TINAG: variants seen among roughly 807,000 people sequenced by gnomAD.
The protein encoded by TINAG is tubulointerstitial nephritis antigen.
In TINAG, 83 loss-of-function variants were observed where a neutral mutation model predicts 72.7. The observed-to-expected ratio is 1.14, with a 90% CI of 0.96 to 1.37. The LOEUF (loss-of-function observed/expected upper bound fraction) is 1.37, where lower values mean the gene tolerates loss of function less well. TINAG is among the 40% of genes most tolerant of loss of function. The pLI, the probability that TINAG is intolerant of heterozygous loss-of-function variation, is 0.00. For missense variants in TINAG, 685 were observed against 576.6 expected (o/e 1.19, Z -1.93); for synonymous variants, 234 against 189.9 (o/e 1.23, Z -1.91).
chr6:54,317,447 C>A (rs1784398057), intron 1 of TINAG, among the ~76,000 whole-genome samples: 2 of 152,056 alleles, frequency 1.3e-5, no homozygotes, highest in Non-Finnish European at 2.9e-5. Flanking sequence ...CTCATAAGAT[C>A]TGATGGTTTT....
At chr6:54,373,818 G>T (rs901614878) in intron 9 of TINAG, among the ~76,000 whole-genome samples, 1 of 151,964 alleles carries the variant, frequency 6.6e-6, no homozygotes, top group Non-Finnish European at 1.5e-5. Flanking sequence ...CTATGAGAAG[G>T]CAAAAAGCCA....
chr6:54,315,348 T>C (rs989769277), intron 1 of TINAG, among the ~76,000 whole-genome samples: 1 of 152,092 alleles, frequency 6.6e-6, no homozygotes, highest in African/African-American at 2.4e-5. Context: ...TTCTTTGCCA[T>C]ATCTGATGGT....
chr6:54,347,805 A>G (rs965603059), intron 6 of TINAG, among the ~76,000 whole-genome samples: 3 of 152,088 alleles, frequency 2.0e-5, no homozygotes, highest in African/African-American at 7.2e-5. Flanking sequence ...TTCTGAGCCA[A>G]GTGAGTCCCC....
chr6:54,326,747 G>T (rs973450558), intron 3 of TINAG, 55 bp from the exon 4 acceptor site: 8 of 1,227,014 alleles, frequency 6.5e-6, no homozygotes, highest in Non-Finnish European at 9.0e-6. Flanking sequence ...TTATAAAAGT[G>T]ATGTCATATA....
At chr6:54,351,225 A>G in intron 7 of TINAG, 127 bp from the exon 8 acceptor site, 3 of 710,976 alleles carry the variant, frequency 4.2e-6, no homozygotes, top group Non-Finnish European at 7.0e-6. Flanking sequence ...TTAATGTAGC[A>G]TAATATACGT....
chr6:54,353,056 A>T (rs1785303406), intron 8 of TINAG, among the ~76,000 whole-genome samples: 1 of 151,808 alleles, frequency 6.6e-6, no homozygotes, highest in Non-Finnish European at 1.5e-5. Flanking sequence ...GTTTTCCAAA[A>T]GTAAAATTGC....
upstream of TINAG, chr6:54,308,140 C>T: frequency 6.5e-7 from 1 of 1,546,630 alleles, no homozygotes; most frequent in South Asian, 1.2e-5. Context: ...GAATTTCCTG[C>T]ACCTTGCCAG....
intron 9 of TINAG, among the ~76,000 whole-genome samples, chr6:54,365,968 C>A (rs1258148361): frequency 6.6e-6 from 1 of 151,566 alleles, no homozygotes; most frequent in East Asian, 1.9e-4. Context: ...AGTTCATGAA[C>A]AGACTGGGCA....
At chr6:54,361,717 G>A (rs754522953) in intron 9 of TINAG, among the ~76,000 whole-genome samples, 2 of 151,524 alleles carry the variant, frequency 1.3e-5, no homozygotes, top group Non-Finnish European at 3.0e-5. Context: ...TTGGAGATTG[G>A]CCAAAAGTTA....
intron 1 of TINAG, 73 bp downstream of exon 1, chr6:54,308,978 T>C: frequency 9.6e-6 from 12 of 1,254,810 alleles, no homozygotes; most frequent in Non-Finnish European, 1.3e-5. Context: ...TCTCTCTTTT[T>C]CTTCTTTCTT....
chr6:54,336,728 C>A (rs1395756930), intron 4 of TINAG, among the ~76,000 whole-genome samples: 3 of 151,916 alleles, frequency 2.0e-5, no homozygotes, highest in Non-Finnish European at 1.5e-5. Context: ...GTTACTAAAG[C>A]TATTACAGGT....
intron 10 of TINAG, among the ~76,000 whole-genome samples, chr6:54,388,824 A>G (rs1196421649): frequency 6.6e-6 from 1 of 152,060 alleles, no homozygotes; most frequent in African/African-American, 2.4e-5. Flanking sequence ...TAAAAAAAAA[A>G]CAAAACTAAT....
intron 4 of TINAG, among the ~76,000 whole-genome samples, chr6:54,333,181 CA>C (rs1784782049): frequency 1.3e-5 from 2 of 152,228 alleles, no homozygotes; most frequent in African/African-American, 4.8e-5. Flanking sequence ...ATGTTTATTG[CA>C]GCACCATTCA....
intron 5 of TINAG, among the ~76,000 whole-genome samples, chr6:54,345,502 T>A (rs1785099483): frequency 6.6e-6 from 1 of 152,088 alleles, no homozygotes; most frequent in Non-Finnish European, 1.5e-5. Context: ...GCTTCCAACT[T>A]CTGGATTACT....
Position 54,308,734 on chromosome 6 carries a change from T to G in TINAG, c.184T>G (p.Cys62Gly). The change falls in exon 1 of 11, where the codon TGT becomes GGT. Residue 62 changes from cysteine to glycine, a missense_variant. Cys to Gly is a radical substitution (Grantham distance 159). Coordinates refer to ENST00000259782, the MANE Select transcript of TINAG (RefSeq NM_014464.4). ...FQGQYCRNFG[C>G]CEDRDDGCVT... The stretch of plus-strand genomic sequence containing the variant: ...AGGGCAATACTGTAGAAATTTTGGC[T>G]GTTGTGAAGACAGAGATGATGGCTG... The G allele has an allele frequency of 6.2e-7, 1 of 1,613,940 alleles. No individual in the cohort carries two copies. Among genetic ancestry groups the G allele is most frequent in the Non-Finnish European group, 8.5e-7 (1 of 1,179,884 alleles).
Position 54,346,610 on chromosome 6 carries a change from CAGTT to C in TINAG, c.749-753_749-750del, listed in dbSNP as rs199505622. On this transcript the variant is annotated intron_variant, in intron 5 of 10. Coordinates refer to ENST00000259782, the MANE Select transcript of TINAG (RefSeq NM_014464.4). ...TAGTATTAGTTAATAGTAGTTACAA[CAGTT>C]AGTAACAGTAGTAACAGTAATTGTA... Among the ~76,000 whole-genome samples, 363 of 151,538 alleles carry C rather than the reference CAGTT, an allele frequency of 2.4e-3. 7 individuals carry two copies. In the East Asian group the frequency reaches 0.027, roughly 11 times the overall value.
intron 3 of TINAG, among the ~76,000 whole-genome samples, chr6:54,324,822 A>G (rs1305218278): frequency 6.6e-6 from 1 of 152,192 alleles, no homozygotes; most frequent in Non-Finnish European, 1.5e-5. Context: ...TTCTTTATCA[A>G]GCCTAGTTTG....
intron 9 of TINAG, among the ~76,000 whole-genome samples, chr6:54,361,304 G>A (rs1379031923): frequency 6.6e-6 from 1 of 151,644 alleles, no homozygotes; most frequent in Non-Finnish European, 1.5e-5. Flanking sequence ...AACTACCTGA[G>A]ACTGGGTAGT....
chr6:54,333,445 C>A lies in TINAG; in HGVS notation c.624+6529C>A, dbSNP rs1305889446. On this transcript the variant is annotated intron_variant, in intron 4 of 10. Coordinates refer to ENST00000259782, the MANE Select transcript of TINAG (RefSeq NM_014464.4). The stretch of plus-strand genomic sequence containing the variant: ...GGACATACGAGCACAGGGAGGGGAA[C>A]ATCATGCACTGGGGCCTGTCGGGGG... Among the ~76,000 whole-genome samples the A allele has an allele frequency of 2.0e-5, 3 of 150,364 alleles. 1 individual carries two copies. The highest frequency in any genetic ancestry group is 1.3e-4 in the Admixed American group (2 of 15,096).
Sources: gnomAD v4.1 joint callset for allele counts (sites outside exome capture counted in the v4.1 genomes callset) on GRCh38, gnomAD v4.1.1 for gene constraint, MANE v1.5 for transcripts, NCBI Gene and HGNC (gene_info 2026-07-23, HGNC 2026-07-21) for gene names.